The following SPATA16 variants were observed in gnomAD, a reference collection of about 807,000 sequenced individuals.
SPATA16 encodes the protein spermatogenesis-associated protein 16.
Under a neutral mutation model 63.3 loss-of-function variants are expected in SPATA16, and 36 were observed. The observed-to-expected ratio is 0.57, with a 90% CI of 0.44 to 0.75. SPATA16 has a LOEUF of 0.75. Ranked by LOEUF, SPATA16 falls within the 30% of genes least tolerant of loss-of-function variation. SPATA16 has a pLI of 0.00. For missense variants in SPATA16, 646 were observed against 679.3 expected, an observed-to-expected ratio of 0.95 and a Z score of 0.54; for synonymous variants, 203 against 216.7, an observed-to-expected ratio of 0.94 and a Z score of 0.56.
intron 2 of SPATA16, among the ~76,000 whole-genome samples, chr3:173,096,103 A>G (rs1268062375): frequency 6.6e-6 from 1 of 152,080 alleles, no homozygotes; most frequent in African/African-American, 2.4e-5. Context: ...TAGACTAAAA[A>G]TATTTTTTAA....
intron 1 of SPATA16, among the ~76,000 whole-genome samples, chr3:173,137,569 T>C (rs967526469): frequency 6.6e-6 from 1 of 152,168 alleles, no homozygotes; most frequent in Non-Finnish European, 1.5e-5. Context: ...TTTTCTACAT[T>C]CATAAATGGT....
chr3:173,019,599 A>G (rs1050746548), intron 3 of SPATA16, 24 bp from the exon 4 acceptor site: 19 of 1,606,434 alleles, frequency 1.2e-5, no homozygotes, highest in Admixed American at 6.7e-5. Flanking sequence ...AAAGAAATGC[A>G]AATGTTATTT....
At chr3:172,960,945 T>TC (rs202092839) in intron 5 of SPATA16, among the ~76,000 whole-genome samples, 1 of 138,176 alleles carries the variant, frequency 7.2e-6, no homozygotes, top group African/African-American at 2.7e-5. Context: ...CTTTCTCTCT[T>TC]CCCCCCTCCC....
At chr3:172,899,144 G>C (rs111800574) in intron 10 of SPATA16, among the ~76,000 whole-genome samples, 2,339 of 152,050 alleles carry the variant, frequency 0.015, 50 homozygotes, top group African/African-American at 0.053. Context: ...ATTAGATTCT[G>C]ATGCTTGATA....
intron 6 of SPATA16, among the ~76,000 whole-genome samples, chr3:172,945,424 C>T (rs1487852455): frequency 1.3e-5 from 2 of 152,186 alleles, no homozygotes; most frequent in African/African-American, 4.8e-5. Flanking sequence ...GAAATACCTT[C>T]ATAAGAACAA....
At chr3:172,900,690 G>T (rs935583543) in intron 10 of SPATA16, among the ~76,000 whole-genome samples, 1 of 152,066 alleles carries the variant, frequency 6.6e-6, no homozygotes, top group African/African-American at 2.4e-5. Context: ...GCCCGGGCTG[G>T]AGTGCAATGG....
In SPATA16 at chr3:172,961,479, C is replaced by T. The variant is rs1171073624; in HGVS notation, c.934-4655G>A. ...GTGTGATCTCGGCTCACTGCAACCT[C>T]CCACTCTGGGGTTCAAGCTATTCTC... On this transcript the variant is annotated intron_variant, in intron 5 of 10. Coordinates refer to ENST00000351008, the MANE Select transcript of SPATA16 (RefSeq NM_031955.6). 3.3e-5 allele frequency among the ~76,000 whole-genome samples: 5 copies of T among 151,952 alleles called. No individual in the cohort carries two copies. In the South Asian group the frequency reaches 6.2e-4, roughly 19 times the overall value.
intron 2 of SPATA16, among the ~76,000 whole-genome samples, chr3:173,078,321 G>T (rs1381053970): frequency 6.6e-6 from 1 of 151,984 alleles, no homozygotes; most frequent in Non-Finnish European, 1.5e-5. Flanking sequence ...TGCAATACTG[G>T]CTCTTAGACA....
intron 6 of SPATA16, among the ~76,000 whole-genome samples, chr3:172,945,959 G>C (rs1733274195): frequency 6.6e-6 from 1 of 152,176 alleles, no homozygotes; most frequent in South Asian, 2.1e-4. Flanking sequence ...AGGTAGTACA[G>C]CTCACAGCTC....
intron 8 of SPATA16, among the ~76,000 whole-genome samples, chr3:172,919,728 A>T (rs903844231): frequency 6.7e-6 from 1 of 149,456 alleles, no homozygotes; most frequent in Non-Finnish European, 1.5e-5. Context: ...CACAGGCTGG[A>T]GTGCAGTGGT....
intron 2 of SPATA16, among the ~76,000 whole-genome samples, chr3:173,067,357 C>T (rs546200339): frequency 6.6e-6 from 1 of 152,250 alleles, no homozygotes; most frequent in East Asian, 1.9e-4. Context: ...AAACAAATAC[C>T]ACATATTCTC....
At chr3:173,021,226 G>T (rs977786181) in intron 3 of SPATA16, among the ~76,000 whole-genome samples, 3 of 152,180 alleles carry the variant, frequency 2.0e-5, no homozygotes, top group African/African-American at 7.2e-5. Flanking sequence ...GAAAGTAGAG[G>T]AAGACGGAAC....
chr3:172,890,166 A>G (rs1731864930), intron 10 of SPATA16, among the ~76,000 whole-genome samples: 1 of 152,204 alleles, frequency 6.6e-6, no homozygotes, highest in African/African-American at 2.4e-5. Context: ...GTATTTGTAT[A>G]GTCTTGGCAA....
chr3:173,007,723 G>A (rs553999373), intron 4 of SPATA16, among the ~76,000 whole-genome samples: 1 of 151,582 alleles, frequency 6.6e-6, no homozygotes, highest in African/African-American at 2.4e-5. Flanking sequence ...CAGATTTGTG[G>A]CAAATAGTGA....
At chr3:172,954,358 C>A (rs1733520853) in intron 6 of SPATA16, among the ~76,000 whole-genome samples, 1 of 152,138 alleles carries the variant, frequency 6.6e-6, no homozygotes, top group African/African-American at 2.4e-5. Context: ...TGGGGGAAAC[C>A]ACCCCCATGA....
rs1560100992 is a variant in SPATA16, at chr3:173,028,018, C to CT, written c.759-8444_759-8443insA. ...CCCTCCCTCCCTCCCTCCCTCCCTT[C>CT]CTTCTTTCCTTCCTTCCTTCCTTCC... On this transcript the variant is annotated intron_variant, in intron 3 of 10. Transcript: ENST00000351008. 9.5e-5 allele frequency among the ~76,000 whole-genome samples: 6 copies of CT among 63,204 alleles called. 1 individual carries two copies. The highest frequency in any genetic ancestry group is 5.5e-4 in the African/African-American group (6 of 10,866). 41.5% of individuals were successfully genotyped at this position (63,204 alleles called of 152,430 possible). A position where few individuals can be genotyped will look rare whatever the true frequency, so the allele number is the denominator to read the frequency against.
chr3:172,923,527 C>A (rs1452593187), intron 8 of SPATA16, among the ~76,000 whole-genome samples: 1 of 152,036 alleles, frequency 6.6e-6, no homozygotes, highest in East Asian at 1.9e-4. Context: ...AACTTACAAG[C>A]CTTTTGAAAA....
intron 1 of SPATA16, among the ~76,000 whole-genome samples, chr3:173,140,594 C>A (rs1560137391): frequency 6.6e-6 from 1 of 152,152 alleles, no homozygotes; most frequent in Non-Finnish European, 1.5e-5. Context: ...ATATCCTACT[C>A]CTTGACGTTC....
intron 4 of SPATA16, among the ~76,000 whole-genome samples, chr3:172,983,789 T>G (rs1438394760): frequency 6.6e-6 from 1 of 151,898 alleles, no homozygotes; most frequent in African/African-American, 2.4e-5. Flanking sequence ...CATCTTTATC[T>G]AGGCTCACAT....
Sources: allele counts gnomAD v4.1 joint callset (sites outside exome capture counted in the v4.1 genomes callset), GRCh38; gene constraint gnomAD v4.1.1; transcripts MANE v1.5; gene names NCBI Gene and HGNC (gene_info 2026-07-23, HGNC 2026-07-21).